The following MTUS1 variants were observed in gnomAD, a reference collection of about 807,000 sequenced individuals.
The protein encoded by MTUS1 is microtubule associated scaffold protein 1.
MTUS1 carries 109 observed loss-of-function variants against 120.8 expected under a neutral mutation model. The observed-to-expected ratio is 0.90, with a 90% confidence interval of 0.77 to 1.06. MTUS1 has a LOEUF of 1.06. MTUS1 is among the 50% of genes least tolerant of loss of function. The pLI is 0.00. For missense variants in MTUS1, 2,210 were observed against 1,486.3 expected (o/e 1.49, Z -8.01); for synonymous variants, 737 against 550.5 (o/e 1.34, Z -4.74).
intron 3 of MTUS1, among the ~76,000 whole-genome samples, chr8:17,735,918 C>G (rs1180570715): frequency 6.6e-6 from 1 of 152,202 alleles, no homozygotes; most frequent in African/African-American, 2.4e-5. Context: ...TGCAAAGCAG[C>G]AGAGAGGCCA....
intron 4 of MTUS1, 34 bp from the exon 5 acceptor site, chr8:17,715,935 T>C (rs1200431324): frequency 9.4e-6 from 15 of 1,593,712 alleles, no homozygotes; most frequent in Admixed American, 3.6e-5. Context: ...TTTTATTGTA[T>C]AGATAAACAC....
intron 6 of MTUS1, chr8:17,703,866 T>C (rs1420104503): frequency 3.9e-5 from 6 of 152,224 alleles, no homozygotes; most frequent in African/African-American, 1.2e-4. Flanking sequence ...CTCAGAAGCA[T>C]GTAATCTTTG....
At chr8:17,749,111 A>T (rs2047990835) in intron 2 of MTUS1, among the ~76,000 whole-genome samples, 1 of 151,176 alleles carries the variant, frequency 6.6e-6, no homozygotes, top group Non-Finnish European at 1.5e-5. Flanking sequence ...GGGGAGTCAG[A>T]CATAATTATA....
rs376395933 is a variant in MTUS1, at chr8:17,715,906, A to G, written c.2450-5T>C. 8.8e-5 allele frequency: 142 copies of G among 1,606,290 alleles called. No individual in the cohort carries two copies. Among genetic ancestry groups the G allele is most frequent in the Non-Finnish European group, 1.1e-4 (135 of 1,177,826 alleles). On this transcript the variant is annotated splice_polypyrimidine_tract_variant and splice_region_variant and intron_variant, in intron 4 of 14. Coordinates refer to ENST00000693296, the MANE Select transcript of MTUS1 (RefSeq NM_001363059.2). Reference sequence around the variant, plus strand: ...TGATGACAGCGGCATTACCAGCTGTAATAAAACAGAAAAGTACATTTTATT... The same window carrying G: ...TGATGACAGCGGCATTACCAGCTGTGATAAAACAGAAAAGTACATTTTATT...
intron 3 of MTUS1, among the ~76,000 whole-genome samples, chr8:17,739,231 C>T (rs1260596807): frequency 1.3e-5 from 2 of 152,140 alleles, no homozygotes; most frequent in Non-Finnish European, 2.9e-5. Flanking sequence ...CGGTGGCTCA[C>T]TCCTGTAATC....
chr8:17,754,868 A>C lies in MTUS1; in HGVS notation c.940T>G (p.Ser314Ala). ...DSALQEFFCL[S>A]HDESNSEPHS... ...GGTTCGCTATTGGATTCATCATGGG[A>C]TAAACAAAAGAACTCTTGTAATGCA... The change falls in exon 2 of 15, where the codon TCC becomes GCC. Residue 314 changes from serine (S) to alanine (A), a missense_variant. Coordinates refer to ENST00000693296, the MANE Select transcript of MTUS1 (RefSeq NM_001363059.2). 3.7e-6 allele frequency: 6 copies of C among 1,614,210 alleles called. No individual in the cohort carries two copies. The highest frequency in any genetic ancestry group is 5.1e-6 in the Non-Finnish European group (6 of 1,180,036).
intron 3 of MTUS1, among the ~76,000 whole-genome samples, chr8:17,741,800 G>A (rs1332160324): frequency 6.6e-6 from 1 of 152,170 alleles, no homozygotes; most frequent in African/African-American, 2.4e-5. Flanking sequence ...AAAATTAGGT[G>A]AGCTCCAAAT....
intron 8 of MTUS1, among the ~76,000 whole-genome samples, chr8:17,659,468 G>A (rs989498871): frequency 2.6e-5 from 4 of 152,182 alleles, no homozygotes; most frequent in East Asian, 1.9e-4. Flanking sequence ...AGGCCGAAGC[G>A]TGCAGATCAT....
At chr8:17,793,944 C>A (rs1235364662) in intron 1 of MTUS1, among the ~76,000 whole-genome samples, 2 of 152,168 alleles carry the variant, frequency 1.3e-5, no homozygotes, top group East Asian at 1.9e-4. Flanking sequence ...TTCTCTGACT[C>A]CTCCAAGAAA....
intron 1 of MTUS1, 131 bp from the exon 2 acceptor site, chr8:17,756,092 G>T: frequency 2.7e-6 from 1 of 366,754 alleles, no homozygotes; most frequent in Non-Finnish European, 4.6e-6. Flanking sequence ...TACTGATGTG[G>T]GTAACTGAGA....
intron 8 of MTUS1, among the ~76,000 whole-genome samples, chr8:17,661,498 C>T (rs1371942500): frequency 6.6e-6 from 1 of 152,140 alleles, no homozygotes; most frequent in African/African-American, 2.4e-5. Context: ...AGCAGACTAC[C>T]CTGGCTGATT....
In MTUS1 at chr8:17,653,261, C is replaced by T. The variant is rs1371922685; in HGVS notation, c.3309G>A (p.Lys1103=). 19 of 1,557,856 alleles carry T rather than the reference C, an allele frequency of 1.2e-5. No homozygotes were observed. Among genetic ancestry groups the T allele is most frequent in the Non-Finnish European group, 1.6e-5 (19 of 1,156,344 alleles). Residue 1103 remains lysine, a synonymous_variant, in exon 12 of 15, where the codon AAG becomes AAA. Coordinates refer to ENST00000693296, the MANE Select transcript of MTUS1 (RefSeq NM_001363059.2). ...TTTCATTTAAAGCATCATTTTCACT[C>T]TTCAGATCATTGATTTGCTTCTAAA... is the stretch of plus-strand genomic sequence containing the variant. ...ESLEKQINDL[K]SENDALNEKL...
At chr8:17,767,186 GGTA>G (rs1485477315) in intron 1 of MTUS1, among the ~76,000 whole-genome samples, 2 of 23,146 alleles carry the variant, frequency 8.6e-5, no homozygotes, top group African/African-American at 2.7e-4. Context: ...TCATCCTCAG[GGTA>G]AAAAAAAAAA....
intron 7 of MTUS1, 31 bp from the exon 8 acceptor site, chr8:17,675,283 C>G (rs764288306): frequency 3.7e-6 from 6 of 1,606,878 alleles, no homozygotes; most frequent in South Asian, 1.1e-5. Context: ...GTTACTCATG[C>G]TTTCAAGAGG....
At chr8:17,752,635 G>T (rs559047964) in intron 2 of MTUS1, among the ~76,000 whole-genome samples, 18 of 149,740 alleles carry the variant, frequency 1.2e-4, no homozygotes, top group African/African-American at 3.7e-4. Context: ...CCTCCCTTGT[G>T]GTCCCCATGC....
Position 17,666,182 on chromosome 8 carries a change from G to A in MTUS1, c.2905+9004C>T, listed in dbSNP as rs181050828. On this transcript the variant is annotated intron_variant, in intron 8 of 14. Transcript: ENST00000693296. The stretch of plus-strand genomic sequence containing the variant: ...AGGAATAAAAGTGGGTTGGAGGCGA[G>A]AGCACAGCTGAATATCTGACAATAT... Among the ~76,000 whole-genome samples, 59 of 148,660 alleles carry A rather than the reference G, an allele frequency of 4.0e-4. No individual in the cohort carries two copies. The South Asian group carries it at 8.7e-3, about 22-fold the overall frequency.
chr8:17,783,240 A>T (rs931745526), intron 1 of MTUS1, among the ~76,000 whole-genome samples: 14 of 152,224 alleles, frequency 9.2e-5, no homozygotes, highest in African/African-American at 3.4e-4. Context: ...GCACCTGCCC[A>T]GTGAAGTCTC....
intron 8 of MTUS1, among the ~76,000 whole-genome samples, chr8:17,674,247 CCA>C: frequency 6.6e-6 from 1 of 152,024 alleles, no homozygotes; most frequent in Non-Finnish European, 1.5e-5. Flanking sequence ...TGGCGAAACC[CCA>C]TCTCTACTAA....
chr8:17,785,026 C>G (rs1709207103), intron 1 of MTUS1, among the ~76,000 whole-genome samples: 1 of 152,110 alleles, frequency 6.6e-6, no homozygotes, highest in South Asian at 2.1e-4. Context: ...CTCAAGTGAT[C>G]CACCTGCCTC....
Sources: allele counts gnomAD v4.1 joint callset (sites outside exome capture counted in the v4.1 genomes callset), GRCh38; gene constraint gnomAD v4.1.1; transcripts MANE v1.5; gene names NCBI Gene and HGNC (gene_info 2026-07-23, HGNC 2026-07-21).